SIRT2: variants seen among roughly 807,000 people sequenced by gnomAD.
The protein encoded by SIRT2 is NAD-dependent protein deacetylase sirtuin-2.
Under a neutral mutation model 57.4 loss-of-function variants are expected in SIRT2, and 40 were observed. That is an observed-to-expected ratio of 0.70 (90% CI 0.54 to 0.91). SIRT2 has a LOEUF of 0.91. Among genes scored for constraint, SIRT2 ranks in the 40% least tolerant of loss-of-function variants. The probability of loss-of-function intolerance (pLI) is 0.00; values close to 1 mark genes in which losing one functional copy is unlikely to be tolerated. For missense variants in SIRT2, 439 were observed against 510.4 expected, an observed-to-expected ratio of 0.86 and a Z score of 1.35; for synonymous variants, 161 against 195.7, an observed-to-expected ratio of 0.82 and a Z score of 1.48.
intron 9 of SIRT2, among the ~76,000 whole-genome samples, chr19:38,883,075 GTTTTTTTTTT>G (rs61706756): frequency 9.1e-6 from 1 of 110,406 alleles, no homozygotes; most frequent in African/African-American, 3.7e-5. Context: ...GTGACTTCTT[GTTTTTTTTTT>G]TTTTTTTTTT....
In SIRT2 at chr19:38,880,741, G is replaced by C. The variant is rs529007927; in HGVS notation, c.825-5C>G. The C allele has an allele frequency of 6.2e-7, 1 of 1,608,512 alleles. No homozygotes were observed. The highest frequency in any genetic ancestry group is 1.7e-5 in the Admixed American group (1 of 59,798). On this transcript the variant is annotated splice_polypyrimidine_tract_variant and splice_region_variant and intron_variant, in intron 12 of 15. Coordinates refer to ENST00000249396, the MANE Select transcript of SIRT2 (RefSeq NM_012237.4). This position sits in a 1 kb window ranked among gnomAD's most constrained non-coding sequence, Gnocchi z 4.1. ...CGAGGGGTGGAGAGGGGTGCCCTGT[G>C]GGGAGGGGGAGCTAAGGGGTCAGGG...
intron 10 of SIRT2, 91 bp from the exon 11 acceptor site, chr19:38,881,246 G>T: frequency 7.5e-7 from 1 of 1,339,464 alleles, no homozygotes; most frequent in Non-Finnish European, 1.0e-6. Flanking sequence ...AGGCCACAGT[G>T]GGAGTTGGGA....
rs201927970 is a variant in SIRT2 at position 38,881,110 on chromosome 19, C to G, written c.737G>C (p.Cys246Ser). The change falls in exon 11 of 16, where the codon TGT becomes TCT. Residue 246 changes from cysteine to serine, a missense_variant. Coordinates refer to ENST00000249396, the MANE Select transcript of SIRT2 (RefSeq NM_012237.4). ...GESLPARFFSCMQSDFLKVDL... is the reference protein window; with the variant it reads ...GESLPARFFSSMQSDFLKVDL... ...TGGGGGGCCACTTACTGACTGCATACAGGAGAAGAAACGCGCTGGGAGGCT... is the reference window on the plus strand; with the variant it reads ...TGGGGGGCCACTTACTGACTGCATAGAGGAGAAGAAACGCGCTGGGAGGCT... The G allele has an allele frequency of 3.3e-5, 53 of 1,613,358 alleles. 1 individual carries two copies. In the Middle Eastern group the frequency reaches 1.7e-3, roughly 50 times the overall value.
chr19:38,890,236 A>AT, intron 4 of SIRT2, 92 bp from the exon 5 acceptor site: 1 of 1,333,660 alleles, frequency 7.5e-7, no homozygotes, highest in Non-Finnish European at 1.1e-6. Flanking sequence ...CGTTTACTCC[A>AT]TGCCAGGCCC....
Position 38,880,935 on chromosome 19 carries a change from G to A in SIRT2, c.748-38C>T. The A allele has an allele frequency of 6.3e-7, 1 of 1,597,466 alleles. No individual in the cohort carries two copies. The highest frequency in any genetic ancestry group is 8.6e-7 in the Non-Finnish European group (1 of 1,166,264). ...GCGTGAGCTTGGGAGCCTCCGCCCA[G>A]GCTGCGCCACCGCTCCCTCCCCCGC... On this transcript the variant is annotated intron_variant, in intron 11 of 15. Coordinates refer to ENST00000249396, the MANE Select transcript of SIRT2 (RefSeq NM_012237.4). This position sits in a 1 kb window ranked among gnomAD's most constrained non-coding sequence, Gnocchi z 4.1.
chr19:38,885,654 A>G (rs2318463), intron 8 of SIRT2, among the ~76,000 whole-genome samples: 119,482 of 148,278 alleles, frequency 0.81, 48,867 homozygotes, highest in African/African-American at 0.95. Context: ...GCAGTGGCGC[A>G]ATCTTGGCTC....
In SIRT2 at chr19:38,889,845, G is replaced by A. The variant is rs776194765; in HGVS notation, c.375+10C>T. The A allele has an allele frequency of 8.7e-6, 14 of 1,613,310 alleles. No homozygotes were observed. In the East Asian group the frequency reaches 2.2e-4, roughly 26 times the overall value. ...CCCTCACAGACGCCCCTTCCTGGGG[G>A]AGCACAAACCTTGAAATAGCTGATC... On this transcript the variant is annotated intron_variant, in intron 6 of 15. Transcript: ENST00000249396.
At chr19:38,893,225 A>C (rs1600125862) in intron 4 of SIRT2, among the ~76,000 whole-genome samples, 189 bp downstream of exon 4, 1 of 152,178 alleles carries the variant, frequency 6.6e-6, no homozygotes, top group Non-Finnish European at 1.5e-5. Context: ...AAGTGGAAGC[A>C]CCTGGACCCA....
In SIRT2 at chr19:38,880,744, G is replaced by T. The variant is rs374714453; in HGVS notation, c.825-8C>A. ...GGGGTGGAGAGGGGTGCCCTGTGGGGAGGGGGAGCTAAGGGGTCAGGGTCT... is the reference window on the plus strand; with the variant it reads ...GGGGTGGAGAGGGGTGCCCTGTGGGTAGGGGGAGCTAAGGGGTCAGGGTCT... On this transcript the variant is annotated splice_polypyrimidine_tract_variant and splice_region_variant and intron_variant, in intron 12 of 15. Transcript: ENST00000249396. This position sits in a 1 kb window ranked among gnomAD's most constrained non-coding sequence, Gnocchi z 4.1. The T allele has an allele frequency of 1.2e-6, 2 of 1,608,834 alleles. No homozygotes were observed. The highest frequency in any genetic ancestry group is 1.3e-5 in the African/African-American group (1 of 74,790).
At chr19:38,894,989 C>T (rs922181630) in intron 2 of SIRT2, 1 of 453,156 alleles carries the variant, frequency 2.2e-6, no homozygotes, top group African/African-American at 2.0e-5. Context: ...GCATCTCCTC[C>T]AAGCCCATCC....
At chr19:38,884,108 T>TA (rs61351914) in intron 8 of SIRT2, among the ~76,000 whole-genome samples, 2,086 of 116,088 alleles carry the variant, frequency 0.018, 28 homozygotes, top group Middle Eastern at 0.071. Flanking sequence ...TACAAAAAAT[T>TA]AAAAAAAAAA....
chr19:38,881,048 G>A, intron 11 of SIRT2, 52 bp downstream of exon 11: 5 of 1,589,694 alleles, frequency 3.1e-6, no homozygotes, highest in Non-Finnish European at 4.3e-6. Context: ...ATGGGGCCCA[G>A]CACAGGTGGA....
chr19:38,879,810 T>G (rs779788813), intron 13 of SIRT2, 108 bp from the exon 14 acceptor site: 95 of 765,890 alleles, frequency 1.2e-4, no homozygotes, highest in Middle Eastern at 8.6e-4. Context: ...GTGACTTTGT[T>G]TTTTTTTTGT....
chr19:38,895,090 C>CA (rs1841396205), intron 2 of SIRT2, among the ~76,000 whole-genome samples: 2 of 151,520 alleles, frequency 1.3e-5, no homozygotes, highest in African/African-American at 4.8e-5. Context: ...CCTCCTGCCA[C>CA]AGCCCTTCAG....
intron 15 of SIRT2, 34 bp from the exon 16 acceptor site, chr19:38,879,344 A>G (rs772782249): frequency 6.2e-7 from 1 of 1,611,794 alleles, no homozygotes; most frequent in Non-Finnish European, 8.5e-7. Context: ...GTCAAAGGTC[A>G]CTGTGCATCA....
chr19:38,883,690 A>T lies in SIRT2; in HGVS notation c.568T>A (p.Phe190Ile), dbSNP rs1973230213. 1 of 1,614,036 alleles carries T rather than the reference A, an allele frequency of 6.2e-7. No individual in the cohort carries two copies. ...QEDLVEAHGTFYTSHCVSASC... is the reference protein window; with the variant it reads ...QEDLVEAHGTIYTSHCVSASC... ...GCGCTGACGCAGTGTGATGTGTAGA[A>T]GGTGCCGTGCGCCTCCACCAAGTCC... Residue 190 changes from phenylalanine to isoleucine, a missense_variant, in exon 9 of 16, where the codon TTC (phenylalanine) becomes ATC (isoleucine). Phe to Ile is a conservative substitution (Grantham distance 21). Transcript: ENST00000249396.
intron 10 of SIRT2, 40 bp from the exon 11 acceptor site, chr19:38,881,195 G>A (rs759318266): frequency 6.3e-7 from 1 of 1,595,452 alleles, no homozygotes; most frequent in South Asian, 1.1e-5. Flanking sequence ...ACAGTGACAT[G>A]GGGAGGCAGA....
In SIRT2 at chr19:38,881,425, G is replaced by A; in HGVS notation, c.691+7C>T. On this transcript the variant is annotated splice_region_variant and intron_variant, in intron 10 of 15. Transcript: ENST00000249396. ...CCACCTGGGCAGGTCCCTGGCCAGAGGCTCACCAGGCTTCACCAGGCTCTG... is the reference window on the plus strand; with the variant it reads ...CCACCTGGGCAGGTCCCTGGCCAGAAGCTCACCAGGCTTCACCAGGCTCTG... The A allele has an allele frequency of 6.2e-7, 1 of 1,613,968 alleles. No homozygotes were observed. The highest frequency in any genetic ancestry group is 1.3e-5 in the African/African-American group (1 of 75,026).
intron 10 of SIRT2, 101 bp downstream of exon 10, chr19:38,881,331 G>A (rs1299458230): frequency 2.4e-6 from 3 of 1,232,576 alleles, no homozygotes; most frequent in Non-Finnish European, 3.5e-6. Context: ...GAGAGACAGA[G>A]GTGGCCAGAT....
Sources: gnomAD v4.1 joint callset for allele counts (sites outside exome capture counted in the v4.1 genomes callset) on GRCh38, gnomAD v4.1.1 for gene constraint, Gnocchi (gnomAD v3.1) non-coding constraint, MANE v1.5 for transcripts, NCBI Gene and HGNC (gene_info 2026-07-23, HGNC 2026-07-21) for gene names.